ACTN4: variants seen among roughly 807,000 people sequenced by gnomAD.
The protein encoded by ACTN4 is actinin alpha 4.
A neutral mutation model predicts 114.2 loss-of-function variants in ACTN4; 18 were observed. That is an observed-to-expected ratio of 0.16 (90% CI 0.11 to 0.23). The LOEUF (loss-of-function observed/expected upper bound fraction) is 0.23. Among genes scored for constraint, ACTN4 ranks in the 10% least tolerant of loss-of-function variants. The pLI is 1.00. For synonymous variants in ACTN4, 515 were observed against 506.3 expected, an observed-to-expected ratio of 1.02 and a Z score of -0.23; for missense variants, 722 against 1,262.9, an observed-to-expected ratio of 0.57 and a Z score of 6.49.
intron 1 of ACTN4, among the ~76,000 whole-genome samples, chr19:38,699,409 CTGCCTCCCACT>C (rs1968195875): frequency 6.6e-6 from 1 of 152,194 alleles, no homozygotes; most frequent in Non-Finnish European, 1.5e-5. Flanking sequence ...GTGAGGGGGC[CTGCCTCCCACT>C]TGCCTTCCAG....
intron 1 of ACTN4, among the ~76,000 whole-genome samples, chr19:38,649,091 C>A (rs1468427203): frequency 7.1e-6 from 1 of 141,006 alleles, no homozygotes; most frequent in African/African-American, 2.7e-5. Flanking sequence ...TTGAGAGTGT[C>A]CAGGAAGAAT....
chr19:38,685,138 G>C (rs1951186417), intron 1 of ACTN4, among the ~76,000 whole-genome samples: 1 of 152,096 alleles, frequency 6.6e-6, no homozygotes. Context: ...TAGAGATAGG[G>C]TTTCACCATG....
rs768765128 is a variant in ACTN4, at chr19:38,723,962, T to C, written c.1577T>C (p.Ile526Thr). ...LEKTEKQLEA[I>T]DQLHLEYAKR... ...AAAACAGAGAAGCAGCTGGAGGCCA[T>C]CGACCAGCTGCACCTGGAATACGCC... Residue 526 changes from isoleucine (I) to threonine (T), a missense_variant, in exon 14 of 21, where the codon ATC becomes ACC. By Grantham distance (89) the Ile-to-Thr change is moderately conservative (BLOSUM62 -1). Coordinates refer to ENST00000252699, the MANE Select transcript of ACTN4 (RefSeq NM_004924.6). The C allele has an allele frequency of 6.2e-7, 1 of 1,612,106 alleles. No individual in the cohort carries two copies. Among genetic ancestry groups the C allele is most frequent in the Non-Finnish European group, 8.5e-7 (1 of 1,179,694 alleles).
rs1347962513 is a variant in ACTN4 at position 38,724,466 on chromosome 19, C to G, written c.1911C>G (p.Leu637=). The change falls in exon 16 of 21, where the codon CTC becomes CTG. Residue 637 remains leucine, a synonymous_variant. Coordinates refer to ENST00000252699, the MANE Select transcript of ACTN4 (RefSeq NM_004924.6). The surrounding 1 kb of genome is among the most constrained non-coding windows in gnomAD (Gnocchi z 7.0). ...QQLVPKRDHA[L]LEEQSKQQSN... is the part of the protein sequence containing the mutation. ...TGGTGCCAAAACGGGACCATGCCCT[C>G]CTGGAGGAGCAGAGCAAGCAGCAGT... 6.2e-7 allele frequency: 1 copy of G among 1,613,604 alleles called. No homozygotes were observed. Among genetic ancestry groups the G allele is most frequent in the Non-Finnish European group, 8.5e-7 (1 of 1,179,998 alleles).
chr19:38,691,119 A>C (rs1967909692), intron 1 of ACTN4, among the ~76,000 whole-genome samples: 1 of 152,214 alleles, frequency 6.6e-6, no homozygotes, highest in East Asian at 1.9e-4. Flanking sequence ...CAGTGAGTAA[A>C]ACAATGCAGT....
chr19:38,653,207 C>T (rs988857804), intron 1 of ACTN4, among the ~76,000 whole-genome samples: 5 of 152,074 alleles, frequency 3.3e-5, no homozygotes, highest in Non-Finnish European at 7.3e-5. Context: ...TTTGGCCAGA[C>T]AGCGCCCTTT....
rs773633620 is a variant in ACTN4, at chr19:38,729,461, G to A, written c.*29G>A. The stretch of plus-strand genomic sequence containing the variant: ...CCCAGAGACCTGACCCAACACCCCC[G>A]ACGGCCTCCAGGAGGGGCCTGGGCA... On this transcript the variant is annotated 3_prime_UTR_variant, in exon 21 of 21. Transcript: ENST00000252699. The A allele has an allele frequency of 5.6e-6, 9 of 1,608,612 alleles. No individual in the cohort carries two copies. Among genetic ancestry groups the A allele is most frequent in the South Asian group, 4.4e-5 (4 of 90,952 alleles).
Position 38,723,262 on chromosome 19 carries a change from G to T in ACTN4, c.1443-352G>T, listed in dbSNP as rs116359224. 6.9e-3 allele frequency among the ~76,000 whole-genome samples: 1,054 copies of T among 152,204 alleles called. 10 individuals are homozygous for T. The highest frequency in any genetic ancestry group is 0.024 in the African/African-American group (1,000 of 41,528). On this transcript the variant is annotated intron_variant, in intron 12 of 20. Coordinates refer to ENST00000252699, the MANE Select transcript of ACTN4 (RefSeq NM_004924.6). ...CCATGTCCTGTTCCTCCCCAGAGTC[G>T]TTCCCTGCCCCCTACCCCTCCTCAG...
chr19:38,653,058 C>T (rs1976613974), intron 1 of ACTN4, among the ~76,000 whole-genome samples: 1 of 148,416 alleles, frequency 6.7e-6, no homozygotes, highest in African/African-American at 2.5e-5. Context: ...TGCACTCCAG[C>T]CTGAGTGACA....
intron 1 of ACTN4, among the ~76,000 whole-genome samples, chr19:38,697,241 A>G (rs575258199): frequency 1.3e-5 from 2 of 152,316 alleles, no homozygotes; most frequent in African/African-American, 2.4e-5. Context: ...CAGCCTCCAC[A>G]GGGTGGGGTG....
intron 6 of ACTN4, among the ~76,000 whole-genome samples, chr19:38,708,559 C>G (rs946016392): frequency 2.6e-5 from 4 of 152,228 alleles, no homozygotes; most frequent in Non-Finnish European, 5.9e-5. Flanking sequence ...CACCACAAGC[C>G]CATGTTGCCC....
chr19:38,717,906 C>T lies in ACTN4; in HGVS notation c.1144-21C>T. The T allele has an allele frequency of 6.4e-7, 1 of 1,574,564 alleles. No homozygotes were observed. Among genetic ancestry groups the T allele is most frequent in the Non-Finnish European group, 8.6e-7 (1 of 1,159,168 alleles). On this transcript the variant is annotated intron_variant, in intron 10 of 20. Transcript: ENST00000252699. The surrounding 1 kb of genome is among the most constrained non-coding windows in gnomAD (Gnocchi z 4.0). ...CCTCCACTTCCTTGTGATAGCCCTG[C>T]CTGCTCCTGCCCTGCCCCAGGACAT...
chr19:38,659,594 T>C (rs1178750417), intron 1 of ACTN4, among the ~76,000 whole-genome samples: 1 of 152,212 alleles, frequency 6.6e-6, no homozygotes, highest in Non-Finnish European at 1.5e-5. Context: ...TCTTAGCAGC[T>C]ACCTTAGAGT....
intron 3 of ACTN4, among the ~76,000 whole-genome samples, chr19:38,701,928 T>A (rs939823355): frequency 6.6e-6 from 1 of 152,214 alleles, no homozygotes; most frequent in African/African-American, 2.4e-5. Flanking sequence ...TGGCCAAGAC[T>A]CCGGGCCAGA....
At chr19:38,728,950 G>T in intron 19 of ACTN4, 46 bp from the exon 20 acceptor site, 2 of 1,610,504 alleles carry the variant, frequency 1.2e-6, no homozygotes, top group Non-Finnish European at 1.7e-6. Flanking sequence ...GGCTGCCCCT[G>T]CCCCACTAAA....
Position 38,730,243 on chromosome 19 carries a change from T to C in ACTN4, c.*811T>C. On this transcript the variant is annotated 3_prime_UTR_variant, in exon 21 of 21. Transcript: ENST00000252699. ...TACGGATTTATTATATAAATATATA[T>C]TCACCTAGCAACATATCTCTGCCGT... The C allele has an allele frequency of 6.3e-6, 1 of 158,334 alleles. No individual in the cohort carries two copies. Among genetic ancestry groups the C allele is most frequent in the Non-Finnish European group, 1.4e-5 (1 of 71,486 alleles). 9.8% of individuals were successfully genotyped at this position (158,334 alleles called of 1,614,324 possible). A position where few individuals can be genotyped will look rare whatever the true frequency, so the allele number is the denominator to read the frequency against.
intron 1 of ACTN4, among the ~76,000 whole-genome samples, chr19:38,699,823 A>AC (rs1272343183): frequency 6.6e-6 from 1 of 151,544 alleles, no homozygotes; most frequent in African/African-American, 2.4e-5. Flanking sequence ...AGACAGAGGG[A>AC]CGGGGGCATC....
chr19:38,703,894 C>T (rs1177837372), intron 3 of ACTN4, among the ~76,000 whole-genome samples: 1 of 152,038 alleles, frequency 6.6e-6, no homozygotes, highest in Non-Finnish European at 1.5e-5. Context: ...AGTTGAGGGT[C>T]GCAGGCTAGG....
Position 38,729,412 on chromosome 19 carries a change from T to C in ACTN4, c.2716T>C (p.Tyr906His). 1 of 1,612,778 alleles carries C rather than the reference T, an allele frequency of 6.2e-7. No individual in the cohort carries two copies. The highest frequency in any genetic ancestry group is 8.5e-7 in the Non-Finnish European group (1 of 1,179,966). The change falls in exon 21 of 21, where the codon TAT becomes CAT. Residue 906 changes from tyrosine to histidine, a missense_variant. Tyr to His is a moderately conservative substitution (Grantham distance 83, BLOSUM62 2). Transcript: ENST00000252699. ...CTACAAGTCCTTCTCCACGGCCTTGTATGGCGAGAGCGACCTGTGAGGCCC... is the reference window on the plus strand; with the variant it reads ...CTACAAGTCCTTCTCCACGGCCTTGCATGGCGAGAGCGACCTGTGAGGCCC... ...LDYKSFSTALYGESDL is the reference protein window; with the variant it reads ...LDYKSFSTALHGESDL
Sources: allele counts gnomAD v4.1 joint callset (sites outside exome capture counted in the v4.1 genomes callset), GRCh38; gene constraint gnomAD v4.1.1; non-coding constraint Gnocchi (gnomAD v3.1); transcripts MANE v1.5; gene names NCBI Gene and HGNC (gene_info 2026-07-23, HGNC 2026-07-21).